Variants in NUDT3 observed in about 807,000 individuals in gnomAD.
NUDT3 encodes the protein nudix hydrolase 3, also known as diphosphoinositol polyphosphate phosphohydrolase 1.
NUDT3 carries 9 observed loss-of-function variants against 23.6 expected under a neutral mutation model. The ratio of observed to expected loss-of-function variants is 0.38; its 90% CI spans 0.23 to 0.66. The LOEUF (loss-of-function observed/expected upper bound fraction) is 0.66. NUDT3 is among the 30% of genes least tolerant of loss of function. The pLI, the probability that NUDT3 is intolerant of heterozygous loss-of-function variation, is 0.52. For synonymous variants in NUDT3, 86 were observed against 82.6 expected, an observed-to-expected ratio of 1.04 and a Z score of -0.22; for missense variants, 172 against 218.5, an observed-to-expected ratio of 0.79 and a Z score of 1.34.
At chr6:34,289,490 C>T (rs1054786222) in intron 4 of NUDT3, among the ~76,000 whole-genome samples, 1 of 152,110 alleles carries the variant, frequency 6.6e-6, no homozygotes, top group African/African-American at 2.4e-5. Flanking sequence ...TCACCTGAGC[C>T]CGGAAGGTCG....
Position 34,282,936 on chromosome 6 carries a change from A to T in NUDT3, c.*5817T>A, listed in dbSNP as rs765825025. On this transcript the variant is annotated 3_prime_UTR_variant, in exon 5 of 5. Coordinates refer to ENST00000607016, the MANE Select transcript of NUDT3 (RefSeq NM_006703.4). ...TTTCCACCTTCTAGATAGTAATCTT[A>T]CTTTTGTTGGCTAAAAGCACTTTCT... is the stretch of plus-strand genomic sequence containing the variant. The T allele has an allele frequency of 6.6e-6, 1 of 152,204 alleles. No homozygotes were observed. Among genetic ancestry groups the T allele is most frequent in the African/African-American group, 2.4e-5 (1 of 41,462 alleles). 9.4% of individuals were successfully genotyped at this position (152,204 alleles called of 1,614,324 possible). A position where few individuals can be genotyped will look rare whatever the true frequency, so the allele number is the denominator to read the frequency against.
intron 1 of NUDT3, among the ~76,000 whole-genome samples, chr6:34,388,665 A>G (rs1765148532): frequency 6.6e-6 from 1 of 152,206 alleles, no homozygotes; most frequent in South Asian, 2.1e-4. Flanking sequence ...AATCTCATCT[A>G]AAACTACTCA....
chr6:34,392,391 G>A lies in NUDT3; in HGVS notation c.-29C>T. The A allele has an allele frequency of 1.3e-6, 2 of 1,571,514 alleles. No individual in the cohort carries two copies. The highest frequency in any genetic ancestry group is 1.1e-5 in the South Asian group (1 of 88,184). On this transcript the variant is annotated 5_prime_UTR_variant, in exon 1 of 5. Coordinates refer to ENST00000607016, the MANE Select transcript of NUDT3 (RefSeq NM_006703.4). ...CCGGGCCCGGGTGGGGGTGCGGTGC[G>A]GGTCGCAGGAGTCGAGGGGTGGGGA...
intron 2 of NUDT3, among the ~76,000 whole-genome samples, chr6:34,311,917 A>T (rs1053651484): frequency 1.3e-5 from 2 of 152,188 alleles, no homozygotes; most frequent in Non-Finnish European, 2.9e-5. Context: ...CTTAAAAAAA[A>T]TTAACTCAAA....
intron 1 of NUDT3, among the ~76,000 whole-genome samples, chr6:34,391,381 T>C (rs755980073): frequency 6.6e-6 from 1 of 152,212 alleles, no homozygotes; most frequent in Non-Finnish European, 1.5e-5. Context: ...GCAGCTACTC[T>C]TTTGTGGATT....
At chr6:34,327,467 T>C (rs552629602) in intron 2 of NUDT3, among the ~76,000 whole-genome samples, 138 of 148,186 alleles carry the variant, frequency 9.3e-4, no homozygotes, top group South Asian at 2.4e-3. Flanking sequence ...GAGGTGGAGG[T>C]TGCAGTGAGC....
intron 1 of NUDT3, among the ~76,000 whole-genome samples, chr6:34,353,170 C>G (rs1261211309): frequency 6.6e-6 from 1 of 152,068 alleles, no homozygotes; most frequent in Non-Finnish European, 1.5e-5. Context: ...CTTTGTCAAC[C>G]CCAATAGTAA....
chr6:34,291,031 C>T (rs1763414059), intron 4 of NUDT3, among the ~76,000 whole-genome samples: 1 of 151,948 alleles, frequency 6.6e-6, no homozygotes, highest in Non-Finnish European at 1.5e-5. Context: ...GTTATCTTAG[C>T]TCACTGCAAT....
At chr6:34,348,840 G>T (rs1180986907) in intron 1 of NUDT3, among the ~76,000 whole-genome samples, 3 of 150,972 alleles carry the variant, frequency 2.0e-5, no homozygotes, top group Non-Finnish European at 1.5e-5. Flanking sequence ...GCATCATAAT[G>T]GAGAAATGAT....
chr6:34,386,288 A>C (rs2113771766), intron 1 of NUDT3, among the ~76,000 whole-genome samples: 1 of 152,366 alleles, frequency 6.6e-6, no homozygotes, highest in African/African-American at 2.4e-5. Context: ...TACCAATAAC[A>C]ATCAGTACAA....
At position 34,392,593 on chromosome 6, in the gene NUDT3, G is replaced by GGGCCGCCGCCCCCTCTGCCGCCGC; in HGVS notation, c.-255_-232dup. 3.2e-6 allele frequency: 1 copy of GGGCCGCCGCCCCCTCTGCCGCCGC among 312,176 alleles called. No individual in the cohort carries two copies. The highest frequency in any genetic ancestry group is 5.1e-5 in the Admixed American group (1 of 19,530). The allele number at this position is 312,176 out of a possible 1,614,324, so 19.3% of individuals were successfully genotyped here. On this transcript the variant is annotated 5_prime_UTR_variant, in exon 1 of 5. Transcript: ENST00000607016. ...ACGGCTGCCGTCTCCGCTGCCGCCA[G>GGGCCGCCGCCCCCTCTGCCGCCGC]GGCCGCCGCCCCCTCTGCCGCCGCC...
chr6:34,305,889 T>A (rs1255516540), intron 2 of NUDT3, among the ~76,000 whole-genome samples: 2 of 152,248 alleles, frequency 1.3e-5, no homozygotes, highest in Non-Finnish European at 2.9e-5. Flanking sequence ...ATATACAGTC[T>A]ATAATACTGA....
intron 2 of NUDT3, among the ~76,000 whole-genome samples, chr6:34,320,193 T>C (rs1428169896): frequency 6.6e-6 from 1 of 152,122 alleles, no homozygotes; most frequent in Non-Finnish European, 1.5e-5. Context: ...TAGTGGCGAG[T>C]ATGAAAATTT....
At chr6:34,364,315 G>A (rs959971075) in intron 1 of NUDT3, among the ~76,000 whole-genome samples, 1 of 152,126 alleles carries the variant, frequency 6.6e-6, no homozygotes, top group Admixed American at 6.6e-5. Flanking sequence ...ACTTACTAAG[G>A]TTTTGTCCTC....
intron 2 of NUDT3, among the ~76,000 whole-genome samples, chr6:34,323,587 C>G (rs896116060): frequency 4.0e-5 from 6 of 151,150 alleles, no homozygotes; most frequent in African/African-American, 9.7e-5. Context: ...AGAAAAGAAA[C>G]AAGAAACAAA....
intron 1 of NUDT3, among the ~76,000 whole-genome samples, chr6:34,365,480 T>G (rs1366614289): frequency 6.6e-6 from 1 of 152,070 alleles, no homozygotes. Context: ...TATTTAGCCT[T>G]AAAAAGGAAT....
intron 1 of NUDT3, among the ~76,000 whole-genome samples, chr6:34,384,351 A>G (rs1381145063): frequency 6.6e-6 from 1 of 152,238 alleles, no homozygotes; most frequent in Non-Finnish European, 1.5e-5. Flanking sequence ...TTATTAAAAC[A>G]GCTTTAAGGC....
intron 2 of NUDT3, among the ~76,000 whole-genome samples, chr6:34,317,106 T>A (rs1337106273): frequency 6.6e-6 from 1 of 152,102 alleles, no homozygotes; most frequent in African/African-American, 2.4e-5. Flanking sequence ...AAATCAAGGA[T>A]GACTTCTAGG....
chr6:34,305,002 A>G (rs1376884824), intron 2 of NUDT3, among the ~76,000 whole-genome samples: 4 of 69,526 alleles, frequency 5.8e-5, no homozygotes, highest in African/African-American at 2.7e-4. Context: ...TTTTTTTTTG[A>G]GACAGAGTCT....
Sources: gnomAD v4.1 joint callset for allele counts (sites outside exome capture counted in the v4.1 genomes callset) on GRCh38, gnomAD v4.1.1 for gene constraint, MANE v1.5 for transcripts, NCBI Gene and HGNC (gene_info 2026-07-23, HGNC 2026-07-21) for gene names.